The following PPP1R21 variants were observed in gnomAD, a reference collection of about 807,000 sequenced individuals.
The protein encoded by PPP1R21 is protein phosphatase 1 regulatory subunit 21.
A neutral mutation model predicts 112.8 loss-of-function variants in PPP1R21; 85 were observed. The ratio of observed to expected loss-of-function variants is 0.75; its 90% CI spans 0.63 to 0.90. The LOEUF (loss-of-function observed/expected upper bound fraction) is 0.90, where lower values mean the gene tolerates loss of function less well. Ranked by LOEUF, PPP1R21 falls within the 40% of genes least tolerant of loss-of-function variation. PPP1R21 has a pLI of 0.00. For synonymous variants in PPP1R21, 381 were observed against 322.3 expected (o/e 1.18, Z -1.95); for missense variants, 1,199 against 901.5 (o/e 1.33, Z -4.23).
chr2:48,481,850 GA>G (rs1227188198), intron 13 of PPP1R21, among the ~76,000 whole-genome samples: 1 of 152,128 alleles, frequency 6.6e-6, no homozygotes, highest in Non-Finnish European at 1.5e-5. Flanking sequence ...ACCATAAGTG[GA>G]AAATTCCGCA....
At chr2:48,455,672 C>G (rs1211428208) in intron 3 of PPP1R21, among the ~76,000 whole-genome samples, 1 of 151,854 alleles carries the variant, frequency 6.6e-6, no homozygotes, top group African/African-American at 2.4e-5. Context: ...GCCATTAATC[C>G]AAGGTTGAGC....
At chr2:48,481,192 T>C (rs954284704) in intron 13 of PPP1R21, among the ~76,000 whole-genome samples, 1 of 152,210 alleles carries the variant, frequency 6.6e-6, no homozygotes. Flanking sequence ...TTTCGCCATG[T>C]TGGCCAGGCT....
In PPP1R21 at chr2:48,498,733, C is replaced by A; in HGVS notation, c.1933C>A (p.Leu645Ile). ...AVLEPIQSTS[L>I]IGTLTRTSDS... ...GTTGGAGCCCATTCAGAGCACCAGT[C>A]TAGTAAGTGTCTTCTTGGTTGTCCT... is the stretch of plus-strand genomic sequence containing the variant. Residue 645 changes from leucine (L) to isoleucine (I), a missense_variant and splice_region_variant, in exon 17 of 22, where the codon CTA becomes ATA. Transcript: ENST00000294952. 1 of 1,613,736 alleles carries A rather than the reference C, an allele frequency of 6.2e-7. No homozygotes were observed. Among genetic ancestry groups the A allele is most frequent in the South Asian group, 1.1e-5 (1 of 90,994 alleles).
chr2:48,448,418 T>TG (rs1667340004), intron 1 of PPP1R21, among the ~76,000 whole-genome samples: 1 of 152,218 alleles, frequency 6.6e-6, no homozygotes, highest in Non-Finnish European at 1.5e-5. Context: ...AGATGAGGTT[T>TG]TTTTTCTTAA....
chr2:48,445,135 C>CTTTTTT (rs756357658), intron 1 of PPP1R21, among the ~76,000 whole-genome samples: 3 of 102,640 alleles, frequency 2.9e-5, no homozygotes, highest in Admixed American at 1.0e-4. Context: ...TGAATATGAG[C>CTTTTTT]TTTTTTTTTT....
At chr2:48,503,089 A>C (rs1353154795) in intron 17 of PPP1R21, among the ~76,000 whole-genome samples, 1 of 152,190 alleles carries the variant, frequency 6.6e-6, no homozygotes, top group East Asian at 1.9e-4. Flanking sequence ...ATATATTATA[A>C]AAAAAGATAG....
chr2:48,495,111 T>C (rs1192601954), intron 15 of PPP1R21, among the ~76,000 whole-genome samples: 1 of 152,274 alleles, frequency 6.6e-6, no homozygotes, highest in African/African-American at 2.4e-5. Context: ...TGATTTCTAC[T>C]GAATGCATTG....
At chr2:48,481,859 G>T (rs375501020) in intron 13 of PPP1R21, among the ~76,000 whole-genome samples, 1 of 152,196 alleles carries the variant, frequency 6.6e-6, no homozygotes, top group Non-Finnish European at 1.5e-5. Flanking sequence ...GGAAAATTCC[G>T]CACTTGCCCT....
intron 4 of PPP1R21, among the ~76,000 whole-genome samples, chr2:48,459,403 A>T (rs904333443): frequency 6.6e-6 from 1 of 152,340 alleles, no homozygotes; most frequent in East Asian, 1.9e-4. Context: ...ATTGAATTCT[A>T]TGTATGCCAG....
chr2:48,508,982 C>T (rs1175445039), intron 19 of PPP1R21, among the ~76,000 whole-genome samples: 1 of 152,176 alleles, frequency 6.6e-6, no homozygotes, highest in African/African-American at 2.4e-5. Context: ...CTCTGAGCGC[C>T]TTATGTTGAC....
intron 9 of PPP1R21, among the ~76,000 whole-genome samples, chr2:48,468,579 G>A (rs2103833851): frequency 6.6e-6 from 1 of 152,274 alleles, no homozygotes; most frequent in South Asian, 2.1e-4. Flanking sequence ...TTGGGAGGCT[G>A]AGGCGGGTGG....
At chr2:48,441,608 C>T (rs1465061717) in intron 1 of PPP1R21, 2 of 154,660 alleles carry the variant, frequency 1.3e-5, no homozygotes, top group Admixed American at 6.5e-5. Context: ...TCTCTTGTCC[C>T]TCGGTCACCT....
intron 14 of PPP1R21, among the ~76,000 whole-genome samples, chr2:48,489,633 C>A (rs1437614240): frequency 6.6e-6 from 1 of 152,124 alleles, no homozygotes; most frequent in South Asian, 2.1e-4. Context: ...AGCCACTGCA[C>A]CTGGCTTATC....
chr2:48,465,127 C>G (rs955411058), intron 8 of PPP1R21, 138 bp downstream of exon 8: 1 of 713,568 alleles, frequency 1.4e-6, no homozygotes, highest in African/African-American at 1.9e-5. Flanking sequence ...GTTTCTCATA[C>G]ATTTATTCAA....
At chr2:48,512,140 A>T (rs78752771) in intron 21 of PPP1R21, among the ~76,000 whole-genome samples, 2,384 of 152,286 alleles carry the variant, frequency 0.016, 56 homozygotes, top group African/African-American at 0.052. Flanking sequence ...AATGTTAGAA[A>T]ATTTATTCTC....
intron 2 of PPP1R21, among the ~76,000 whole-genome samples, chr2:48,453,188 G>A (rs552490585): frequency 1.3e-4 from 20 of 152,166 alleles, no homozygotes; most frequent in Admixed American, 5.9e-4. Flanking sequence ...TCCTGACCTC[G>A]AGTGATCCGC....
chr2:48,454,672 G>C lies in PPP1R21; in HGVS notation c.204G>C (p.Gln68His), dbSNP rs771832153. Residue 68 changes from glutamine (Q) to histidine (H), a missense_variant, in exon 3 of 22, where the codon CAG becomes CAC. By Grantham distance (24) the Gln-to-His change is conservative. Coordinates refer to ENST00000294952, the MANE Select transcript of PPP1R21 (RefSeq NM_001135629.3). ...EMDSLTFRNL[Q>H]LAKRVELLQD... ...ACAGTTTGACATTTCGAAATCTGCA[G>C]CTTGCCAAGAGGGTAGAACTACTTC... The C allele has an allele frequency of 1.7e-5, 27 of 1,614,078 alleles. No homozygotes were observed. The highest frequency in any genetic ancestry group is 2.0e-5 in the Non-Finnish European group (24 of 1,180,022).
Position 48,447,620 on chromosome 2 carries a change from G to T in PPP1R21, c.58-3388G>T, listed in dbSNP as rs151234416. On this transcript the variant is annotated intron_variant, in intron 1 of 21. Transcript: ENST00000294952. ...AACAGTGTTCATTTGCCTCCCCTCT[G>T]TGGTGAATACTGGTGCAGAGAAAGA... 8.7e-3 allele frequency among the ~76,000 whole-genome samples: 1,332 copies of T among 152,242 alleles called. 12 individuals carry two copies. The highest frequency in any genetic ancestry group is 0.011 in the Non-Finnish European group (764 of 68,014).
chr2:48,506,480 G>A (rs1365003110), intron 18 of PPP1R21, among the ~76,000 whole-genome samples: 1 of 152,184 alleles, frequency 6.6e-6, no homozygotes, highest in Non-Finnish European at 1.5e-5. Context: ...TATAGTTCAA[G>A]TAAGCTGGAA....
Sources: gnomAD v4.1 joint callset for allele counts (sites outside exome capture counted in the v4.1 genomes callset) on GRCh38, gnomAD v4.1.1 for gene constraint, MANE v1.5 for transcripts, NCBI Gene and HGNC (gene_info 2026-07-23, HGNC 2026-07-21) for gene names.